The following GRID2 variants were observed in gnomAD, a reference collection of about 807,000 sequenced individuals.
GRID2 encodes glutamate receptor ionotropic, delta-2.
In GRID2, 33 loss-of-function variants were observed where a neutral mutation model predicts 114.8. The observed-to-expected ratio is 0.29, with a 90% CI of 0.22 to 0.38. The LOEUF (loss-of-function observed/expected upper bound fraction) is 0.38, where lower values mean the gene tolerates loss of function less well. GRID2 is among the 10% of genes least tolerant of loss of function. GRID2 has a pLI of 1.00. For missense variants in GRID2, 1,184 were observed against 1,257.7 expected (o/e 0.94, Z 0.89); for synonymous variants, 505 against 449.9 (o/e 1.12, Z -1.55).
chr4:92,604,913 A>G (rs1729380786), intron 2 of GRID2, among the ~76,000 whole-genome samples: 1 of 152,012 alleles, frequency 6.6e-6, no homozygotes, highest in South Asian at 2.1e-4. Flanking sequence ...GAAAAGACCA[A>G]GTGGAGGTAA....
At chr4:93,226,402 G>T (rs1337114660) in intron 7 of GRID2, among the ~76,000 whole-genome samples, 1 of 152,102 alleles carries the variant, frequency 6.6e-6, no homozygotes, top group South Asian at 2.1e-4. Flanking sequence ...AGAGAAATAG[G>T]CAAGAAAAGA....
chr4:93,570,416 G>A (rs1202580615), intron 13 of GRID2, among the ~76,000 whole-genome samples: 1 of 152,130 alleles, frequency 6.6e-6, no homozygotes, highest in Non-Finnish European at 1.5e-5. Flanking sequence ...GGAAAGCTAA[G>A]TAAGATAAGT....
At chr4:92,960,004 T>C (rs1053245551) in intron 2 of GRID2, among the ~76,000 whole-genome samples, 8 of 151,620 alleles carry the variant, frequency 5.3e-5, no homozygotes, top group African/African-American at 1.9e-4. Flanking sequence ...TAAAGTATAA[T>C]TTAAAAAAAA....
At chr4:92,884,085 C>A (rs532493737) in intron 2 of GRID2, among the ~76,000 whole-genome samples, 1 of 152,344 alleles carries the variant, frequency 6.6e-6, no homozygotes, top group South Asian at 2.1e-4. Flanking sequence ...GCCACTTCAT[C>A]TATGATCCTA....
chr4:93,492,516 A>G (rs1727119284), intron 12 of GRID2, among the ~76,000 whole-genome samples: 1 of 151,830 alleles, frequency 6.6e-6, no homozygotes, highest in Non-Finnish European at 1.5e-5. Flanking sequence ...AACTCGTCAT[A>G]GCATTTTCCA....
chr4:93,327,242 T>C (rs1053675192), intron 8 of GRID2, among the ~76,000 whole-genome samples: 3 of 152,208 alleles, frequency 2.0e-5, no homozygotes, highest in African/African-American at 7.2e-5. Flanking sequence ...AAAGACTGCA[T>C]GATATTCCTT....
At chr4:92,543,961 C>G (rs13146517) in intron 1 of GRID2, among the ~76,000 whole-genome samples, 33,198 of 152,086 alleles carry the variant, frequency 0.22, 3,915 homozygotes, top group South Asian at 0.3. Flanking sequence ...CAACTCTGCA[C>G]ACAGTAACAT....
chr4:93,620,558 C>G (rs559109158), intron 13 of GRID2, among the ~76,000 whole-genome samples: 4 of 152,126 alleles, frequency 2.6e-5, no homozygotes, highest in Non-Finnish European at 5.9e-5. Context: ...AGAACAGGAG[C>G]ATACAGGACA....
chr4:93,415,656 C>CA (rs1274936307), intron 9 of GRID2, among the ~76,000 whole-genome samples: 1 of 151,672 alleles, frequency 6.6e-6, no homozygotes, highest in African/African-American at 2.4e-5. Context: ...TTCTTTTGTA[C>CA]AAAAAAAATT....
chr4:93,053,956 C>G (rs1726970400), intron 2 of GRID2, among the ~76,000 whole-genome samples: 1 of 151,952 alleles, frequency 6.6e-6, no homozygotes, highest in Non-Finnish European at 1.5e-5. Flanking sequence ...CAAAATATCT[C>G]ATAACTCTTC....
At position 93,592,748 on chromosome 4, in the gene GRID2, G is replaced by T. The variant is rs1402526273; in HGVS notation, c.2194-33521G>T. 4.6e-5 allele frequency among the ~76,000 whole-genome samples: 7 copies of T among 152,114 alleles called. No individual in the cohort carries two copies. The East Asian group carries it at 1.4e-3, about 29-fold the overall frequency. ...TTATGAATCTGGGTGCTCATGTATT[G>T]GGTGCATACATATTTAGGACAGTTA... On this transcript the variant is annotated intron_variant, in intron 13 of 15. Coordinates refer to ENST00000282020, the MANE Select transcript of GRID2 (RefSeq NM_001510.4).
At chr4:93,256,152 T>A (rs1489445671) in intron 8 of GRID2, among the ~76,000 whole-genome samples, 1 of 152,108 alleles carries the variant, frequency 6.6e-6, no homozygotes, top group Non-Finnish European at 1.5e-5. Flanking sequence ...AGCCTTTTTT[T>A]CACTGTCCAC....
intron 13 of GRID2, among the ~76,000 whole-genome samples, chr4:93,570,869 A>G (rs1735869386): frequency 6.6e-6 from 1 of 152,146 alleles, no homozygotes; most frequent in African/African-American, 2.4e-5. Context: ...TTGGCCCTGA[A>G]TTCCTCTCAT....
At chr4:93,283,045 A>G (rs942965679) in intron 8 of GRID2, among the ~76,000 whole-genome samples, 7 of 152,058 alleles carry the variant, frequency 4.6e-5, no homozygotes, top group African/African-American at 1.7e-4. Flanking sequence ...CCCATCTCCA[A>G]CATTGGGAAT....
chr4:93,180,230 A>G (rs1399299432), intron 4 of GRID2, among the ~76,000 whole-genome samples: 1 of 151,950 alleles, frequency 6.6e-6, no homozygotes, highest in Non-Finnish European at 1.5e-5. Flanking sequence ...ACCAGAACAA[A>G]TTTTCTGGTT....
chr4:93,750,371 G>T (rs1395115301), intron 14 of GRID2, among the ~76,000 whole-genome samples: 1 of 152,138 alleles, frequency 6.6e-6, no homozygotes, highest in Non-Finnish European at 1.5e-5. Flanking sequence ...TAGTAAATAA[G>T]AATCTCTGAC....
Position 93,273,672 on chromosome 4 carries a change from GA to G in GRID2, c.1245+35183del, listed in dbSNP as rs2149573513. Among the ~76,000 whole-genome samples, 2 of 152,222 alleles carry G rather than the reference GA, an allele frequency of 1.3e-5. 1 individual carries two copies. Among genetic ancestry groups the G allele is most frequent in the African/African-American group, 4.8e-5 (2 of 41,562 alleles). ...AGGGAAAAAGGGGAGACAGAAGGGA[GA>G]TCAGAGGGATGTGCCCTAAGAAAGA... On this transcript the variant is annotated intron_variant, in intron 8 of 15. Transcript: ENST00000282020.
At chr4:93,110,483 A>G (rs140292028) in intron 3 of GRID2, among the ~76,000 whole-genome samples, 1 of 152,134 alleles carries the variant, frequency 6.6e-6, no homozygotes, top group East Asian at 1.9e-4. Context: ...CCCTCACCCA[A>G]CATTTCTAGG....
intron 1 of GRID2, among the ~76,000 whole-genome samples, chr4:92,437,748 A>C (rs1026244245): frequency 6.6e-6 from 1 of 152,198 alleles, no homozygotes; most frequent in East Asian, 1.9e-4. Context: ...CCTTCTTTCT[A>C]TATTACATCT....
Sources: gnomAD v4.1 joint callset for allele counts (sites outside exome capture counted in the v4.1 genomes callset) on GRCh38, gnomAD v4.1.1 for gene constraint, MANE v1.5 for transcripts, NCBI Gene and HGNC (gene_info 2026-07-23, HGNC 2026-07-21) for gene names.